Variants in PAWR observed in about 807,000 individuals in gnomAD.
The protein encoded by PAWR is pro-apoptotic WT1 regulator, also known as PRKC apoptosis WT1 regulator protein.
In PAWR, 23 loss-of-function variants were observed where a neutral mutation model predicts 32.0. That is an observed-to-expected ratio of 0.72 (90% confidence interval 0.52 to 1.02). PAWR has a LOEUF of 1.02. Among genes scored for constraint, PAWR ranks in the 50% least tolerant of loss-of-function variants. The pLI is 0.00. For synonymous variants in PAWR, 226 were observed against 187.1 expected, an observed-to-expected ratio of 1.21 and a Z score of -1.70; for missense variants, 457 against 437.7, an observed-to-expected ratio of 1.04 and a Z score of -0.39.
chr12:79,641,789 G>A (rs905276070), intron 2 of PAWR, among the ~76,000 whole-genome samples: 3 of 134,774 alleles, frequency 2.2e-5, no homozygotes, highest in Non-Finnish European at 4.6e-5. Context: ...GGAGGTTGCA[G>A]TGAGCCGAGA....
chr12:79,612,081 G>C (rs1378273792), intron 4 of PAWR, among the ~76,000 whole-genome samples: 3 of 152,090 alleles, frequency 2.0e-5, no homozygotes, highest in Non-Finnish European at 4.4e-5. Flanking sequence ...TTTGGTTTGA[G>C]AATGTGGTAT....
intron 2 of PAWR, among the ~76,000 whole-genome samples, chr12:79,663,154 G>A (rs1365907576): frequency 1.3e-5 from 2 of 152,142 alleles, no homozygotes; most frequent in African/African-American, 4.8e-5. Context: ...GTGTTCAGTA[G>A]CATAAGGCTT....
At chr12:79,604,736 A>T (rs1306732682) in intron 4 of PAWR, 3 of 1,274,614 alleles carry the variant, frequency 2.4e-6, no homozygotes, top group Non-Finnish European at 2.0e-6. Flanking sequence ...AAATACAAAC[A>T]TACACATAAG....
chr12:79,635,670 T>C (rs1420634278), intron 2 of PAWR: 1 of 152,162 alleles, frequency 6.6e-6, no homozygotes, highest in Non-Finnish European at 1.5e-5. Flanking sequence ...TAAAAATTGC[T>C]TGCCATTTTG....
chr12:79,665,130 T>C lies in PAWR; in HGVS notation c.516+24599A>G, dbSNP rs190952704. 1.1e-4 allele frequency among the ~76,000 whole-genome samples: 17 copies of C among 152,316 alleles called. No homozygotes were observed. The East Asian group carries it at 2.9e-3, about 26-fold the overall frequency. On this transcript the variant is annotated intron_variant, in intron 2 of 6. Transcript: ENST00000328827. ...TGTTTCCATAGAATGATGGTACTAC[T>C]CAGAAGATTCCCAAAAAAATCTGAT...
intron 2 of PAWR, among the ~76,000 whole-genome samples, chr12:79,633,171 T>C (rs930780984): frequency 6.6e-6 from 1 of 151,636 alleles, no homozygotes; most frequent in Non-Finnish European, 1.5e-5. Context: ...CTATCAAAAT[T>C]AAAAACTTTT....
chr12:79,668,209 A>AT (rs1023794374), intron 2 of PAWR: 8 of 152,174 alleles, frequency 5.3e-5, no homozygotes, highest in Admixed American at 4.6e-4. Context: ...GTTTGTAGAT[A>AT]TTTTTTGTTT....
At chr12:79,638,481 G>T (rs887222466) in intron 2 of PAWR, among the ~76,000 whole-genome samples, 2 of 152,046 alleles carry the variant, frequency 1.3e-5, no homozygotes, top group African/African-American at 2.4e-5. Context: ...TTCTATAAAA[G>T]AAAGTTTTTC....
Position 79,670,159 on chromosome 12 carries a change from T to C in PAWR, c.516+19570A>G, listed in dbSNP as rs560402696. On this transcript the variant is annotated intron_variant, in intron 2 of 6. Coordinates refer to ENST00000328827, the MANE Select transcript of PAWR (RefSeq NM_002583.4). Reference sequence around the variant, plus strand: ...TTCGTTGCACCACAGCATGTTTCTATTGTTTTTCCCCCATTTTAAAAAGCC... The same window carrying C: ...TTCGTTGCACCACAGCATGTTTCTACTGTTTTTCCCCCATTTTAAAAAGCC... Among the ~76,000 whole-genome samples, 23 of 152,348 alleles carry C rather than the reference T, an allele frequency of 1.5e-4. No individual in the cohort carries two copies. In the South Asian group the frequency reaches 2.7e-3, roughly 18 times the overall value.
intron 4 of PAWR, among the ~76,000 whole-genome samples, chr12:79,605,917 T>C (rs1874162845): frequency 6.6e-6 from 1 of 151,878 alleles, no homozygotes; most frequent in South Asian, 2.1e-4. Context: ...CTACTAAAAA[T>C]ACAAAAATTG....
chr12:79,643,881 T>TA (rs373782730), intron 2 of PAWR, among the ~76,000 whole-genome samples: 23 of 152,230 alleles, frequency 1.5e-4, no homozygotes, highest in African/African-American at 5.5e-4. Flanking sequence ...GTTAACAAAA[T>TA]AAAAAATATT....
intron 4 of PAWR, among the ~76,000 whole-genome samples, chr12:79,601,080 A>G (rs1480359670): frequency 2.6e-5 from 4 of 152,200 alleles, no homozygotes; most frequent in African/African-American, 9.7e-5. Flanking sequence ...AAAGAAGGAC[A>G]AGAATGTGCA....
chr12:79,585,068 G>C lies in PAWR; in HGVS notation c.*7539C>G. ...TTCAGAAAGAATACTAAATTAATGG[G>C]GGTTATGTCAGGATGCCAATGTCCA... is the stretch of plus-strand genomic sequence containing the variant. On this transcript the variant is annotated 3_prime_UTR_variant, in exon 7 of 7. Coordinates refer to ENST00000328827, the MANE Select transcript of PAWR (RefSeq NM_002583.4). 2.5e-6 allele frequency: 1 copy of C among 403,804 alleles called. No homozygotes were observed. The highest frequency in any genetic ancestry group is 4.8e-6 in the Non-Finnish European group (1 of 208,764). The allele number at this position is 403,804 out of a possible 1,614,324, so 25.0% of individuals were successfully genotyped here.
chr12:79,650,213 G>C (rs1031366907), intron 2 of PAWR, among the ~76,000 whole-genome samples: 4 of 152,122 alleles, frequency 2.6e-5, no homozygotes, highest in Non-Finnish European at 5.9e-5. Context: ...TAATGTATTG[G>C]CTACTTCACA....
intron 2 of PAWR, among the ~76,000 whole-genome samples, chr12:79,621,896 T>C (rs1385425183): frequency 2.0e-5 from 3 of 152,140 alleles, no homozygotes; most frequent in Non-Finnish European, 4.4e-5. Context: ...CAAATCTCTA[T>C]CCATTATACA....
At position 79,585,294 on chromosome 12, in the gene PAWR, G is replaced by C; in HGVS notation, c.*7313C>G. The C allele has an allele frequency of 3.2e-6, 1 of 308,204 alleles. No individual in the cohort carries two copies. Among genetic ancestry groups the C allele is most frequent in the Non-Finnish European group, 6.2e-6 (1 of 160,532 alleles). The allele number at this position is 308,204 out of a possible 1,614,324, so 19.1% of individuals were successfully genotyped here. A position where few individuals can be genotyped will look rare whatever the true frequency, so the allele number is the denominator to read the frequency against. On this transcript the variant is annotated 3_prime_UTR_variant, in exon 7 of 7. Transcript: ENST00000328827. ...ACTTAGGCCTGCATCAAAATTACAT[G>C]AAGCGCTTGTTAAAACAGATTGAGC...
chr12:79,592,450 A>G lies in PAWR; in HGVS notation c.*157T>C. 3.9e-6 allele frequency: 2 copies of G among 514,218 alleles called. No homozygotes were observed. Among genetic ancestry groups the G allele is most frequent in the Non-Finnish European group, 6.7e-6 (2 of 297,196 alleles). 31.9% of individuals were successfully genotyped at this position (514,218 alleles called of 1,614,324 possible). ...ATGCTTTTTTAAAACCAATAATGAAAAAGAAGTATTTTGAAAACAAACATC... is the reference window on the plus strand; with the variant it reads ...ATGCTTTTTTAAAACCAATAATGAAGAAGAAGTATTTTGAAAACAAACATC... On this transcript the variant is annotated 3_prime_UTR_variant, in exon 7 of 7. Coordinates refer to ENST00000328827, the MANE Select transcript of PAWR (RefSeq NM_002583.4).
rs192395442 is a variant in PAWR at position 79,645,266 on chromosome 12, T to C, written c.517-24059A>G. ...TAAGTTATTAGGACATAAATACTTA[T>C]ACTGTTTGGACCAAACTACTAAGAA... On this transcript the variant is annotated intron_variant, in intron 2 of 6. Transcript: ENST00000328827. Among the ~76,000 whole-genome samples the C allele has an allele frequency of 1.6e-3, 240 of 152,360 alleles. 1 individual carries two copies. Among genetic ancestry groups the C allele is most frequent in the African/African-American group, 5.5e-3 (227 of 41,578 alleles).
intron 2 of PAWR, among the ~76,000 whole-genome samples, chr12:79,674,715 A>C (rs1163886918): frequency 6.6e-6 from 1 of 152,158 alleles, no homozygotes; most frequent in Non-Finnish European, 1.5e-5. Flanking sequence ...AATAAGCCAA[A>C]AAAAAAATGA....
Sources: gnomAD v4.1 joint callset for allele counts (sites outside exome capture counted in the v4.1 genomes callset) on GRCh38, gnomAD v4.1.1 for gene constraint, MANE v1.5 for transcripts, NCBI Gene and HGNC (gene_info 2026-07-23, HGNC 2026-07-21) for gene names.